FGF14: variants seen among roughly 807,000 people sequenced by gnomAD.
FGF14 encodes fibroblast growth factor 14.
A neutral mutation model predicts 25.5 loss-of-function variants in FGF14; 5 were observed. The ratio of observed to expected loss-of-function variants is 0.20; its 90% CI spans 0.10 to 0.41. FGF14 has a LOEUF of 0.41. FGF14 is among the 10% of genes least tolerant of loss of function. The pLI is 1.00. For synonymous variants in FGF14, 138 were observed against 118.3 expected, an observed-to-expected ratio of 1.17 and a Z score of -1.08; for missense variants, 222 against 320.1, an observed-to-expected ratio of 0.69 and a Z score of 2.34.
At chr13:101,893,255 G>C (rs1251520303) in intron 1 of FGF14, among the ~76,000 whole-genome samples, 1 of 152,168 alleles carries the variant, frequency 6.6e-6, no homozygotes, top group Non-Finnish European at 1.5e-5. Flanking sequence ...CTCTGTCCAT[G>C]ATTGCCTCTG....
chr13:102,119,511 T>C (rs192601631), intron 1 of FGF14, among the ~76,000 whole-genome samples: 149 of 152,300 alleles, frequency 9.8e-4, no homozygotes, highest in Non-Finnish European at 1.7e-3. Flanking sequence ...TATTTTTTAA[T>C]ATTCTAAGGA....
intron 3 of FGF14, among the ~76,000 whole-genome samples, chr13:101,765,101 A>C (rs766916418): frequency 1.1e-4 from 17 of 152,212 alleles, no homozygotes; most frequent in Admixed American, 2.0e-4. Context: ...TTTATATGAA[A>C]GCAATATCAA....
intron 1 of FGF14, among the ~76,000 whole-genome samples, chr13:102,304,357 T>C (rs946622242): frequency 1.3e-5 from 2 of 152,144 alleles, no homozygotes; most frequent in Non-Finnish European, 2.9e-5. Context: ...AATTCAGCCC[T>C]ACTATGTCCA....
chr13:101,980,900 G>C (rs569995676), intron 1 of FGF14, among the ~76,000 whole-genome samples: 3 of 152,124 alleles, frequency 2.0e-5, no homozygotes, highest in Non-Finnish European at 2.9e-5. Context: ...AGGTAGAGTC[G>C]TTAAGAGGTG....
intron 1 of FGF14, among the ~76,000 whole-genome samples, chr13:102,029,671 T>C (rs1322923746): frequency 2.0e-5 from 3 of 152,102 alleles, no homozygotes; most frequent in Non-Finnish European, 4.4e-5. Context: ...AGACAATAAA[T>C]TGAAAATCTT....
intron 1 of FGF14, among the ~76,000 whole-genome samples, chr13:102,169,029 G>C (rs748875374): frequency 2.0e-5 from 3 of 151,646 alleles, no homozygotes; most frequent in Non-Finnish European, 4.4e-5. Flanking sequence ...AACACTCACA[G>C]TTTACTCTTC....
intron 1 of FGF14, among the ~76,000 whole-genome samples, chr13:101,946,129 G>C (rs1431530956): frequency 6.6e-6 from 1 of 151,894 alleles, no homozygotes; most frequent in Non-Finnish European, 1.5e-5. Flanking sequence ...GGGGCAACAG[G>C]GTTCTCACTC....
At chr13:102,100,015 C>T (rs1028708113) in intron 1 of FGF14, among the ~76,000 whole-genome samples, 1 of 152,106 alleles carries the variant, frequency 6.6e-6, no homozygotes, top group Non-Finnish European at 1.5e-5. Context: ...TATAGACATG[C>T]TTGATGAATT....
At chr13:101,890,496 G>C (rs1307655145) in intron 1 of FGF14, among the ~76,000 whole-genome samples, 1 of 152,092 alleles carries the variant, frequency 6.6e-6, no homozygotes, top group African/African-American at 2.4e-5. Flanking sequence ...GAAATCTATA[G>C]CTCCTAAGGT....
rs559037514 is a variant in FGF14, at chr13:101,969,390, C to T, written c.209-94094G>A. Among the ~76,000 whole-genome samples, 7 of 152,104 alleles carry T rather than the reference C, an allele frequency of 4.6e-5. No homozygotes were observed. In the East Asian group the frequency reaches 5.8e-4, roughly 13 times the overall value. On this transcript the variant is annotated intron_variant, in intron 1 of 4. Coordinates refer to the FGF14 transcript ENST00000376131. ...CATCCTGGCTAACACGGTGAATCCC[C>T]GTCTCTACTAAAAATAACAAAAAAA...
intron 1 of FGF14, among the ~76,000 whole-genome samples, chr13:102,303,774 C>A (rs181153702): frequency 1.1e-3 from 165 of 152,248 alleles, no homozygotes; most frequent in Non-Finnish European, 1.7e-3. Context: ...GTCACTGCCA[C>A]GAACCTAGAT....
At position 101,905,175 on chromosome 13, in the gene FGF14, C is replaced by T. The variant is rs373865284; in HGVS notation, c.193+11278G>A. On this transcript the variant is annotated intron_variant, in intron 1 of 4. Coordinates refer to ENST00000376143, the MANE Select transcript of FGF14 (RefSeq NM_004115.4). Reference sequence around the variant, plus strand: ...TCTGCAGGGTGGCCATCATTTGTAACATTACTGTCCCAGCAGTTTCTGCAT... The same window carrying T: ...TCTGCAGGGTGGCCATCATTTGTAATATTACTGTCCCAGCAGTTTCTGCAT... Among the ~76,000 whole-genome samples the T allele has an allele frequency of 4.6e-5, 7 of 152,248 alleles. No homozygotes were observed. In the East Asian group the frequency reaches 7.7e-4, roughly 17 times the overall value.
intron 3 of FGF14, among the ~76,000 whole-genome samples, chr13:101,783,629 T>C (rs1157131834): frequency 6.6e-6 from 1 of 152,204 alleles, no homozygotes; most frequent in African/African-American, 2.4e-5. Context: ...AGGTTGCCTG[T>C]TTACTCTGTT....
chr13:102,146,439 G>A (rs986126295), intron 1 of FGF14, among the ~76,000 whole-genome samples: 1 of 152,190 alleles, frequency 6.6e-6, no homozygotes, highest in African/African-American at 2.4e-5. Context: ...ACATGTGCAA[G>A]AGAACTTAAA....
intron 1 of FGF14, among the ~76,000 whole-genome samples, chr13:102,024,090 T>C (rs776715612): frequency 7.2e-5 from 11 of 152,242 alleles, no homozygotes; most frequent in Non-Finnish European, 8.8e-5. Flanking sequence ...GTAAAATTTA[T>C]GTACAAGTTT....
chr13:101,812,624 TATATATATATATATATATATA>T, intron 3 of FGF14, among the ~76,000 whole-genome samples: 1 of 8,646 alleles, frequency 1.2e-4, no homozygotes, highest in African/African-American at 3.3e-4. Context: ...TATATATATA[TATATATATATATATATATATA>T]TATATATATT....
intron 1 of FGF14, among the ~76,000 whole-genome samples, chr13:102,141,280 T>A (rs2046633002): frequency 6.6e-6 from 1 of 152,216 alleles, no homozygotes; most frequent in South Asian, 2.1e-4. Context: ...CAGAACTGGT[T>A]GTACACCCAG....
At chr13:101,927,493 A>G (rs2034445507) in intron 1 of FGF14, among the ~76,000 whole-genome samples, 1 of 152,136 alleles carries the variant, frequency 6.6e-6, no homozygotes, top group Non-Finnish European at 1.5e-5. Context: ...TTTCAGATTC[A>G]TTTATGTCAT....
chr13:101,850,817 A>C (rs934375791), intron 3 of FGF14, among the ~76,000 whole-genome samples: 3 of 151,294 alleles, frequency 2.0e-5, no homozygotes, highest in African/African-American at 7.3e-5. Context: ...AGTCATGAGA[A>C]TAATTTTCCC....
Sources: allele counts gnomAD v4.1 joint callset (sites outside exome capture counted in the v4.1 genomes callset), GRCh38; gene constraint gnomAD v4.1.1; transcripts MANE v1.5; gene names NCBI Gene and HGNC (gene_info 2026-07-23, HGNC 2026-07-21).